Variants in NUBPL observed in about 807,000 individuals in gnomAD.
NUBPL encodes iron-sulfur cluster transfer protein NUBPL.
A neutral mutation model predicts 45.7 loss-of-function variants in NUBPL; 31 were observed. The observed-to-expected ratio is 0.68, with a 90% CI of 0.51 to 0.92. The LOEUF is 0.92. NUBPL is among the 40% of genes least tolerant of loss of function. The pLI is 0.00. For missense variants in NUBPL, 401 were observed against 398.7 expected, an observed-to-expected ratio of 1.01 and a Z score of -0.05; for synonymous variants, 144 against 140.9, an observed-to-expected ratio of 1.02 and a Z score of -0.15.
At chr14:31,659,740 T>G (rs1422628000) in intron 4 of NUBPL, among the ~76,000 whole-genome samples, 1 of 152,196 alleles carries the variant, frequency 6.6e-6, no homozygotes, top group Non-Finnish European at 1.5e-5. Flanking sequence ...AGTTTCTGTT[T>G]AAAAAATACT....
intron 6 of NUBPL, among the ~76,000 whole-genome samples, chr14:31,685,613 T>C (rs1247029489): frequency 6.6e-6 from 1 of 151,906 alleles, no homozygotes; most frequent in Non-Finnish European, 1.5e-5. Context: ...TAAAAAATTA[T>C]GAAAAAGGCA....
At chr14:31,754,848 C>G (rs1487453463) in intron 6 of NUBPL, among the ~76,000 whole-genome samples, 1 of 98,392 alleles carries the variant, frequency 1.0e-5, no homozygotes. Context: ...TCCCTCCCCC[C>G]TCCCCCCACC....
chr14:31,826,819 T>A, intron 8 of NUBPL, 105 bp downstream of exon 8: 1 of 1,012,446 alleles, frequency 9.9e-7, no homozygotes, highest in Non-Finnish European at 1.5e-6. Flanking sequence ...TGTACAGAAG[T>A]CTTTATGAAA....
intron 4 of NUBPL, among the ~76,000 whole-genome samples, chr14:31,607,883 A>T (rs1259375874): frequency 1.3e-5 from 2 of 152,178 alleles, no homozygotes; most frequent in Admixed American, 6.5e-5. Context: ...ATCCAAAAGT[A>T]CAATAAGGTT....
At chr14:31,816,191 A>C (rs2039912191) in intron 7 of NUBPL, among the ~76,000 whole-genome samples, 1 of 152,100 alleles carries the variant, frequency 6.6e-6, no homozygotes, top group African/African-American at 2.4e-5. Context: ...TGGGCTATTA[A>C]CTACTGCCTC....
At chr14:31,828,808 T>G (rs2040144804) in intron 8 of NUBPL, among the ~76,000 whole-genome samples, 1 of 152,190 alleles carries the variant, frequency 6.6e-6, no homozygotes, top group Non-Finnish European at 1.5e-5. Context: ...CATACTGTTC[T>G]GACAGATTTT....
chr14:31,737,435 A>T (rs1472612614), intron 6 of NUBPL, among the ~76,000 whole-genome samples: 1 of 151,596 alleles, frequency 6.6e-6, no homozygotes, highest in Non-Finnish European at 1.5e-5. Context: ...CACCACTCTA[A>T]CCTTTGATAG....
At chr14:31,754,905 G>T (rs567020194) in intron 6 of NUBPL, among the ~76,000 whole-genome samples, 2 of 129,184 alleles carry the variant, frequency 1.5e-5, no homozygotes, top group African/African-American at 6.0e-5. Context: ...GTGTCCATGC[G>T]TTCTCATTGT....
intron 4 of NUBPL, among the ~76,000 whole-genome samples, chr14:31,608,166 G>T (rs927649783): frequency 6.6e-6 from 1 of 152,130 alleles, no homozygotes; most frequent in Non-Finnish European, 1.5e-5. Flanking sequence ...GCATCAAGAA[G>T]AAATAAAGAC....
chr14:31,573,029 T>G (rs2033629147), intron 3 of NUBPL, among the ~76,000 whole-genome samples: 1 of 152,188 alleles, frequency 6.6e-6, no homozygotes, highest in Admixed American at 6.5e-5. Context: ...TGATAGTTGT[T>G]CTGGGTGAGT....
chr14:31,764,071 T>A (rs944671278), intron 6 of NUBPL, among the ~76,000 whole-genome samples: 5 of 152,164 alleles, frequency 3.3e-5, no homozygotes, highest in African/African-American at 1.2e-4. Context: ...AACACAGGCC[T>A]GTATTGAGCC....
At chr14:31,610,458 A>G (rs1025703968) in intron 4 of NUBPL, among the ~76,000 whole-genome samples, 2 of 151,994 alleles carry the variant, frequency 1.3e-5, no homozygotes, top group African/African-American at 4.8e-5. Flanking sequence ...CCACGACCCA[A>G]TAGCTTCACT....
chr14:31,638,784 G>C lies in NUBPL; in HGVS notation c.383-34571G>C, dbSNP rs535043034. 9.9e-5 allele frequency among the ~76,000 whole-genome samples: 15 copies of C among 151,830 alleles called. No homozygotes were observed. In the East Asian group the frequency reaches 2.9e-3, roughly 30 times the overall value. ...CCCATATCTCTTGAAGGCTTTGTTC[G>C]TTTCTATTCTTTTTTCTCTAAACTT... is the stretch of plus-strand genomic sequence containing the variant. On this transcript the variant is annotated intron_variant, in intron 4 of 10. Coordinates refer to ENST00000281081, the MANE Select transcript of NUBPL (RefSeq NM_025152.3).
intron 10 of NUBPL, among the ~76,000 whole-genome samples, chr14:31,850,893 G>T (rs1257100690): frequency 6.6e-6 from 1 of 152,088 alleles, no homozygotes; most frequent in Non-Finnish European, 1.5e-5. Context: ...AGCATGCTGA[G>T]ATTATAGGCA....
intron 10 of NUBPL, among the ~76,000 whole-genome samples, chr14:31,854,604 G>A (rs73259080): frequency 0.16 from 24,949 of 152,012 alleles, 6,063 homozygotes; most frequent in African/African-American, 0.53. Context: ...TTAATACTCC[G>A]AAAATGCTTT....
chr14:31,810,102 G>A (rs985629468), intron 7 of NUBPL, among the ~76,000 whole-genome samples: 2 of 152,270 alleles, frequency 1.3e-5, no homozygotes, highest in South Asian at 2.1e-4. Flanking sequence ...TGTTGATTTG[G>A]GGCGGAGAGT....
chr14:31,805,943 G>A (rs549408612), intron 7 of NUBPL, among the ~76,000 whole-genome samples: 109 of 152,232 alleles, frequency 7.2e-4, no homozygotes, highest in Middle Eastern at 6.8e-3. Context: ...TTTCCTTCAT[G>A]ATATGCCAGA....
chr14:31,849,917 A>AATC (rs2040511279), intron 9 of NUBPL: 1 of 595,632 alleles, frequency 1.7e-6, no homozygotes, highest in Non-Finnish European at 3.0e-6. Flanking sequence ...ATAAACATAC[A>AATC]ATCACTGTAC....
At chr14:31,732,077 G>T (rs1371245903) in intron 6 of NUBPL, among the ~76,000 whole-genome samples, 2 of 151,228 alleles carry the variant, frequency 1.3e-5, no homozygotes, top group Non-Finnish European at 2.9e-5. Flanking sequence ...GCCTGTAATC[G>T]CAGCTACTTG....
Sources: gnomAD v4.1 joint callset for allele counts (sites outside exome capture counted in the v4.1 genomes callset) on GRCh38, gnomAD v4.1.1 for gene constraint, MANE v1.5 for transcripts, NCBI Gene and HGNC (gene_info 2026-07-23, HGNC 2026-07-21) for gene names.